Variants in LYPLAL1 observed in about 807,000 individuals in gnomAD.
LYPLAL1 encodes the protein lysophospholipase like 1, also known as lysophospholipase-like protein 1.
In LYPLAL1, 23 loss-of-function variants were observed where a neutral mutation model predicts 19.7. The observed-to-expected ratio is 1.17, with a 90% CI of 0.84 to 1.65. The LOEUF is 1.65. Among genes scored for constraint, LYPLAL1 ranks in the 40% most tolerant of loss-of-function variants. The pLI, the probability that LYPLAL1 is intolerant of heterozygous loss-of-function variation, is 0.00. For missense variants in LYPLAL1, 355 were observed against 279.4 expected (o/e 1.27, Z -1.93); for synonymous variants, 119 against 96.3 (o/e 1.24, Z -1.38).
chr1:219,411,199 G>A, the LYPLAL1 span, among the ~76,000 whole-genome samples: 1 of 121,780 alleles, frequency 8.2e-6, no homozygotes, highest in Non-Finnish European at 1.9e-5. Context: ...TTAGCTCAAG[G>A]TTTGTCAGTG....
chr1:219,255,594 T>C, the LYPLAL1 span, among the ~76,000 whole-genome samples: 1 of 151,920 alleles, frequency 6.6e-6, no homozygotes, highest in African/African-American at 2.4e-5. Flanking sequence ...TTTGATTTCT[T>C]TTTCTTGCCT....
At chr1:219,435,981 C>A in the LYPLAL1 span, among the ~76,000 whole-genome samples, 2 of 152,142 alleles carry the variant, frequency 1.3e-5, no homozygotes, top group African/African-American at 4.8e-5. Flanking sequence ...AGAACTAGCC[C>A]CAATCCTTGT....
At chr1:219,337,289 G>T in the LYPLAL1 span, among the ~76,000 whole-genome samples, 2 of 151,918 alleles carry the variant, frequency 1.3e-5, no homozygotes, top group African/African-American at 4.8e-5. Flanking sequence ...GACATCTTTT[G>T]GAGGGCTATT....
At chr1:219,384,988 C>T in the LYPLAL1 span, among the ~76,000 whole-genome samples, 1 of 152,160 alleles carries the variant, frequency 6.6e-6, no homozygotes, top group Non-Finnish European at 1.5e-5. Context: ...CTCTACGGAT[C>T]TTGGATCGTC....
At chr1:219,353,642 T>C in the LYPLAL1 span, among the ~76,000 whole-genome samples, 1 of 152,174 alleles carries the variant, frequency 6.6e-6, no homozygotes, top group Non-Finnish European at 1.5e-5. Context: ...TAATAGCCCA[T>C]GTAACTTAAC....
the LYPLAL1 span, among the ~76,000 whole-genome samples, chr1:219,227,305 C>T: frequency 6.6e-6 from 1 of 152,092 alleles, no homozygotes; most frequent in East Asian, 1.9e-4. Context: ...TACTGACTTC[C>T]CACCACTCTG....
At chr1:219,181,829 T>G (rs1656319033) in intron 2 of LYPLAL1, among the ~76,000 whole-genome samples, 1 of 152,060 alleles carries the variant, frequency 6.6e-6, no homozygotes, top group Non-Finnish European at 1.5e-5. Context: ...TATATGATAC[T>G]TACTTCTGTA....
chr1:219,294,196 G>T, the LYPLAL1 span, among the ~76,000 whole-genome samples: 1 of 152,194 alleles, frequency 6.6e-6, no homozygotes, highest in African/African-American at 2.4e-5. Context: ...TCCTGAGAGG[G>T]CAAACAAATA....
chr1:219,264,193 T>C, the LYPLAL1 span, among the ~76,000 whole-genome samples: 1 of 152,098 alleles, frequency 6.6e-6, no homozygotes, highest in Non-Finnish European at 1.5e-5. Flanking sequence ...AACCAAAGAG[T>C]CCACTCTGTT....
At chr1:219,329,417 A>G in the LYPLAL1 span, among the ~76,000 whole-genome samples, 1 of 152,304 alleles carries the variant, frequency 6.6e-6, no homozygotes, top group East Asian at 1.9e-4. Flanking sequence ...AGCAATGACA[A>G]TCATGCCTTA....
chr1:219,385,721 G>A, the LYPLAL1 span, among the ~76,000 whole-genome samples: 24 of 151,962 alleles, frequency 1.6e-4, no homozygotes, highest in Non-Finnish European at 2.8e-4. Context: ...GGAACAAGAG[G>A]GTAAAGAAAT....
the LYPLAL1 span, among the ~76,000 whole-genome samples, chr1:219,440,026 T>C: frequency 4.4e-4 from 63 of 141,692 alleles, no homozygotes; most frequent in South Asian, 7.9e-3. Flanking sequence ...CACACACACA[T>C]ATATATATAT....
chr1:219,229,319 GAGAGAGA>G, the LYPLAL1 span, among the ~76,000 whole-genome samples: 10 of 149,346 alleles, frequency 6.7e-5, no homozygotes, highest in African/African-American at 2.5e-4. Flanking sequence ...GAGAGAGAGA[GAGAGAGA>G]GAGAGAGAGA....
At chr1:219,174,105 G>A (rs1655601044) in intron 1 of LYPLAL1, 124 bp downstream of exon 1, 4 of 1,488,342 alleles carry the variant, frequency 2.7e-6, no homozygotes, top group East Asian at 2.5e-5. Flanking sequence ...TGGCTCCCCC[G>A]TCGCCAGCCC....
chr1:219,420,762 C>G, the LYPLAL1 span, among the ~76,000 whole-genome samples: 1 of 152,078 alleles, frequency 6.6e-6, no homozygotes, highest in South Asian at 2.1e-4. Context: ...ATAATTAGAA[C>G]CACTTATTTT....
At chr1:219,416,585 GAACCC>G in the LYPLAL1 span, among the ~76,000 whole-genome samples, 3 of 152,160 alleles carry the variant, frequency 2.0e-5, no homozygotes, top group African/African-American at 7.2e-5. Flanking sequence ...ATACTCATGT[GAACCC>G]ACTTTTAATT....
the LYPLAL1 span, among the ~76,000 whole-genome samples, chr1:219,405,003 A>G: frequency 7.2e-5 from 11 of 152,252 alleles, no homozygotes; most frequent in Admixed American, 7.2e-4. Context: ...ATGCATAGAT[A>G]GTAACTTTCA....
At chr1:219,188,005 A>G (rs1656863491) in intron 2 of LYPLAL1, among the ~76,000 whole-genome samples, 1 of 151,548 alleles carries the variant, frequency 6.6e-6, no homozygotes, top group Non-Finnish European at 1.5e-5. Context: ...TGTAGATTTT[A>G]TAAGAGTTAA....
At chr1:219,217,405 TGTGAGA>T (rs930176520), downstream of LYPLAL1, among the ~76,000 whole-genome samples, 87 of 136,292 alleles carry the variant, frequency 6.4e-4, no homozygotes, top group East Asian at 0.011. Flanking sequence ...TGTGTGTGTG[TGTGAGA>T]GATGGTTGTA....
Sources: allele counts gnomAD v4.1 joint callset (sites outside exome capture counted in the v4.1 genomes callset), GRCh38; gene constraint gnomAD v4.1.1; transcripts MANE v1.5; gene names NCBI Gene and HGNC (gene_info 2026-07-23, HGNC 2026-07-21).